C1QTNF1: variants seen among roughly 807,000 people sequenced by gnomAD.
The protein encoded by C1QTNF1 is complement C1q tumor necrosis factor-related protein 1.
Under a neutral mutation model 27.8 loss-of-function variants are expected in C1QTNF1, and 22 were observed. That is an observed-to-expected ratio of 0.79 (90% CI 0.56 to 1.13). The LOEUF (loss-of-function observed/expected upper bound fraction) is 1.13, where lower values mean the gene tolerates loss of function less well. C1QTNF1 is among the 50% of genes most tolerant of loss of function. The probability of loss-of-function intolerance (pLI) is 0.00; values close to 1 mark genes in which losing one functional copy is unlikely to be tolerated. For missense variants in C1QTNF1, 373 were observed against 380.2 expected (o/e 0.98, Z 0.16); for synonymous variants, 166 against 154.3 (o/e 1.08, Z -0.56).
chr17:79,034,910 G>A (rs1443764699), intron 1 of C1QTNF1, among the ~76,000 whole-genome samples: 1 of 152,118 alleles, frequency 6.6e-6, no homozygotes, highest in East Asian at 1.9e-4. Context: ...CTTCCATAAG[G>A]GACCCCCATC....
Position 79,048,268 on chromosome 17 carries a change from GA to G in C1QTNF1, c.*181del, listed in dbSNP as rs1280218135. 10 of 666,058 alleles carry G rather than the reference GA, an allele frequency of 1.5e-5. No homozygotes were observed. Among genetic ancestry groups the G allele is most frequent in the South Asian group, 2.4e-5 (1 of 41,560 alleles). 41.3% of individuals were successfully genotyped at this position (666,058 alleles called of 1,614,324 possible). On this transcript the variant is annotated 3_prime_UTR_variant, in exon 4 of 4. Coordinates refer to ENST00000579760, the MANE Select transcript of C1QTNF1 (RefSeq NM_030968.5). ...GATCCCGCAGCCTCTGGAGAGAGCTGACGGCAGATGAAATCACCAGGGCGGG... is the reference window on the plus strand; with the variant it reads ...GATCCCGCAGCCTCTGGAGAGAGCTGCGGCAGATGAAATCACCAGGGCGGG...
At position 79,048,162 on chromosome 17, in the gene C1QTNF1, T is replaced by A. The variant is rs2145938701; in HGVS notation, c.*74T>A. 1 of 926,288 alleles carries A rather than the reference T, an allele frequency of 1.1e-6. No individual in the cohort carries two copies. Among genetic ancestry groups the A allele is most frequent in the Non-Finnish European group, 1.4e-6 (1 of 727,864 alleles). 57.4% of individuals were successfully genotyped at this position (926,288 alleles called of 1,614,324 possible). A position where few individuals can be genotyped will look rare whatever the true frequency, so the allele number is the denominator to read the frequency against. On this transcript the variant is annotated 3_prime_UTR_variant, in exon 4 of 4. Coordinates refer to ENST00000579760, the MANE Select transcript of C1QTNF1 (RefSeq NM_030968.5). The stretch of plus-strand genomic sequence containing the variant: ...GCTGACCCCACCGCCTCTTCCCCGA[T>A]CCCTGGACTCCGACTCCCTGGCTTT...
intron 1 of C1QTNF1, among the ~76,000 whole-genome samples, chr17:79,040,982 T>C (rs1049091697): frequency 1.7e-4 from 26 of 151,892 alleles, no homozygotes; most frequent in Non-Finnish European, 3.5e-4. Flanking sequence ...TGAATGTATA[T>C]TGTCTCCCTA....
At chr17:79,036,526 G>C (rs921857737) in intron 1 of C1QTNF1, among the ~76,000 whole-genome samples, 1 of 152,178 alleles carries the variant, frequency 6.6e-6, no homozygotes, top group Non-Finnish European at 1.5e-5. Flanking sequence ...TGTAGCTGAA[G>C]AACTGAATTT....
At chr17:79,024,720 G>C (rs958342936) in intron 1 of C1QTNF1, 3 of 152,374 alleles carry the variant, frequency 2.0e-5, no homozygotes, top group Admixed American at 6.5e-5. Flanking sequence ...TTTGCGCGGG[G>C]GTCATAATGG....
At chr17:79,032,120 T>C (rs1021267446) in intron 1 of C1QTNF1, among the ~76,000 whole-genome samples, 4 of 152,130 alleles carry the variant, frequency 2.6e-5, no homozygotes, top group Non-Finnish European at 4.4e-5. Context: ...CCCAGGGGCT[T>C]GGAGTCTTGG....
In C1QTNF1 at chr17:79,048,067, C is replaced by A; in HGVS notation, c.825C>A (p.Val275=). 1.3e-6 allele frequency: 2 copies of A among 1,570,744 alleles called. No individual in the cohort carries two copies. Among genetic ancestry groups the A allele is most frequent in the South Asian group, 2.3e-5 (2 of 86,118 alleles). ...DTYITFSGYL[V]KHATEP ...ACATCACCTTCAGTGGCTACCTGGTCAAGCACGCCACCGAGCCCTAGCTGG... is the reference window on the plus strand; with the variant it reads ...ACATCACCTTCAGTGGCTACCTGGTAAAGCACGCCACCGAGCCCTAGCTGG... The change falls in exon 4 of 4, where the codon GTC becomes GTA. Residue 275 remains valine, a synonymous_variant. Transcript: ENST00000579760.
intron 1 of C1QTNF1, among the ~76,000 whole-genome samples, chr17:79,037,555 C>T (rs754942051): frequency 1.3e-5 from 2 of 152,098 alleles, no homozygotes; most frequent in Non-Finnish European, 2.9e-5. Flanking sequence ...TGAGCCACTG[C>T]GCCCAGCCAA....
intron 1 of C1QTNF1, among the ~76,000 whole-genome samples, chr17:79,041,504 G>A (rs2072407876): frequency 6.6e-6 from 1 of 152,174 alleles, no homozygotes; most frequent in East Asian, 1.9e-4. Context: ...AAAGTCCTGG[G>A]CCGTGGCTCA....
Position 79,048,136 on chromosome 17 carries a change from T to TGCTGACCCCAGGGCTCAGAACCAG in C1QTNF1, c.*58_*59insGGGCTCAGAACCAGGCTGACCCCA. Reference sequence around the variant, plus strand: ...CTCGCCACCTTCCACCCCTGCGCTGTGCTGACCCCACCGCCTCTTCCCCGA... The same window carrying TGCTGACCCCAGGGCTCAGAACCAG: ...CTCGCCACCTTCCACCCCTGCGCTGTGCTGACCCCAGGGCTCAGAACCAGGCTGACCCCACCGCCTCTTCCCCGA... On this transcript the variant is annotated 3_prime_UTR_variant, in exon 4 of 4. Coordinates refer to ENST00000579760, the MANE Select transcript of C1QTNF1 (RefSeq NM_030968.5). The TGCTGACCCCAGGGCTCAGAACCAG allele has an allele frequency of 6.9e-7, 1 of 1,449,312 alleles. No homozygotes were observed. The highest frequency in any genetic ancestry group is 9.1e-7 in the Non-Finnish European group (1 of 1,101,966). 89.8% of individuals were successfully genotyped at this position (1,449,312 alleles called of 1,614,324 possible). A position where few individuals can be genotyped will look rare whatever the true frequency, so the allele number is the denominator to read the frequency against.
At chr17:79,041,008 A>G (rs2072392642) in intron 1 of C1QTNF1, among the ~76,000 whole-genome samples, 1 of 152,234 alleles carries the variant, frequency 6.6e-6, no homozygotes, top group African/African-American at 2.4e-5. Context: ...TTGTGGGGCC[A>G]TCCGTGATGG....
intron 2 of C1QTNF1, among the ~76,000 whole-genome samples, chr17:79,044,661 G>T (rs918360339): frequency 6.6e-6 from 1 of 152,256 alleles, no homozygotes; most frequent in Non-Finnish European, 1.5e-5. Flanking sequence ...GATGGCCTTC[G>T]TGTCTACGAC....
intron 1 of C1QTNF1, among the ~76,000 whole-genome samples, chr17:79,031,256 C>T (rs759335992): frequency 1.5e-4 from 23 of 152,170 alleles, no homozygotes; most frequent in Non-Finnish European, 2.6e-4. Flanking sequence ...CTGCCTGCCT[C>T]GGCCTCCCAA....
Position 79,048,127 on chromosome 17 carries a change from C to A in C1QTNF1, c.*39C>A. The A allele has an allele frequency of 8.5e-7, 1 of 1,170,578 alleles. No individual in the cohort carries two copies. The highest frequency in any genetic ancestry group is 1.1e-6 in the Non-Finnish European group (1 of 896,564). 72.5% of individuals were successfully genotyped at this position (1,170,578 alleles called of 1,614,324 possible). The stretch of plus-strand genomic sequence containing the variant: ...TCCTTTCCTCTCGCCACCTTCCACC[C>A]CTGCGCTGTGCTGACCCCACCGCCT... On this transcript the variant is annotated 3_prime_UTR_variant, in exon 4 of 4. Coordinates refer to ENST00000579760, the MANE Select transcript of C1QTNF1 (RefSeq NM_030968.5).
At chr17:79,039,253 T>A (rs1271476349) in intron 1 of C1QTNF1, among the ~76,000 whole-genome samples, 1 of 152,260 alleles carries the variant, frequency 6.6e-6, no homozygotes, top group African/African-American at 2.4e-5. Flanking sequence ...GAGGTAGTGG[T>A]GCTAATGGCA....
chr17:79,025,728 C>G (rs900233916), intron 1 of C1QTNF1: 3 of 209,546 alleles, frequency 1.4e-5, no homozygotes, highest in African/African-American at 6.9e-5. Flanking sequence ...CAGGAGGCCT[C>G]TCCAGCACCT....
intron 1 of C1QTNF1, among the ~76,000 whole-genome samples, chr17:79,028,862 C>T (rs2072047050): frequency 6.6e-6 from 1 of 150,858 alleles, no homozygotes; most frequent in African/African-American, 2.4e-5. Context: ...GGCCACACTG[C>T]CCAAGCCCCT....
At chr17:79,034,758 C>A (rs942124063) in intron 1 of C1QTNF1, among the ~76,000 whole-genome samples, 3 of 152,178 alleles carry the variant, frequency 2.0e-5, no homozygotes, top group African/African-American at 7.2e-5. Flanking sequence ...AACACCTAAG[C>A]CTTAAAAACA....
chr17:79,039,797 G>A (rs1041373899), intron 1 of C1QTNF1, among the ~76,000 whole-genome samples: 32 of 149,234 alleles, frequency 2.1e-4, no homozygotes, highest in South Asian at 6.4e-4. Context: ...GTGTGTGTGT[G>A]TATATATATA....
Sources: gnomAD v4.1 joint callset for allele counts (sites outside exome capture counted in the v4.1 genomes callset) on GRCh38, gnomAD v4.1.1 for gene constraint, MANE v1.5 for transcripts, NCBI Gene and HGNC (gene_info 2026-07-23, HGNC 2026-07-21) for gene names.